Variants in ARHGAP26 observed in about 807,000 individuals in gnomAD.
ARHGAP26 encodes the protein Rho GTPase activating protein 26.
A neutral mutation model predicts 104.8 loss-of-function variants in ARHGAP26; 38 were observed. The ratio of observed to expected loss-of-function variants is 0.36; its 90% CI spans 0.28 to 0.48. The LOEUF (loss-of-function observed/expected upper bound fraction) is 0.48, where lower values mean the gene tolerates loss of function less well. Ranked by LOEUF, ARHGAP26 falls within the 20% of genes least tolerant of loss-of-function variation. ARHGAP26 has a pLI of 0.99. For missense variants in ARHGAP26, 704 were observed against 947.9 expected, an observed-to-expected ratio of 0.74 and a Z score of 3.38; for synonymous variants, 341 against 340.0, an observed-to-expected ratio of 1.00 and a Z score of -0.03.
At chr5:142,865,478 GTTTTTTTTT>G (rs35950662) in intron 1 of ARHGAP26, among the ~76,000 whole-genome samples, 10 of 117,224 alleles carry the variant, frequency 8.5e-5, no homozygotes, top group African/African-American at 2.6e-4. Context: ...ACACGGAGAA[GTTTTTTTTT>G]TTTTTTTTTT....
intron 17 of ARHGAP26, among the ~76,000 whole-genome samples, chr5:143,090,452 C>CTCGG (rs148034109): frequency 0.076 from 11,633 of 152,190 alleles, 733 homozygotes; most frequent in East Asian, 0.21. Flanking sequence ...CGATAGCTAT[C>CTCGG]TCAGTCGTGT....
intron 17 of ARHGAP26, among the ~76,000 whole-genome samples, chr5:143,066,841 G>A (rs2150354014): frequency 6.6e-6 from 1 of 152,328 alleles, no homozygotes. Flanking sequence ...AGATGAGCCA[G>A]CACAGGGGCA....
chr5:143,120,189 G>A (rs1197678198), intron 17 of ARHGAP26, among the ~76,000 whole-genome samples: 3 of 152,226 alleles, frequency 2.0e-5, no homozygotes, highest in Admixed American at 6.5e-5. Context: ...GGGCCAGCAA[G>A]TGAACAATCG....
At chr5:143,152,555 G>A (rs1360588165) in intron 20 of ARHGAP26, among the ~76,000 whole-genome samples, 1 of 152,146 alleles carries the variant, frequency 6.6e-6, no homozygotes, top group African/African-American at 2.4e-5. Flanking sequence ...AATGCCTGTA[G>A]GCCCATAGTA....
chr5:142,781,911 T>C (rs1482645213), intron 1 of ARHGAP26, among the ~76,000 whole-genome samples: 1 of 152,216 alleles, frequency 6.6e-6, no homozygotes, highest in South Asian at 2.1e-4. Context: ...GAGATGGGGT[T>C]TCACCGTGTT....
At chr5:143,018,392 G>T (rs1028270190) in intron 12 of ARHGAP26, among the ~76,000 whole-genome samples, 3 of 152,154 alleles carry the variant, frequency 2.0e-5, no homozygotes, top group African/African-American at 7.2e-5. Flanking sequence ...TGATTTTCAA[G>T]TTGTGTTTTG....
chr5:142,915,778 CT>C, intron 10 of ARHGAP26: 1 of 152,326 alleles, frequency 6.6e-6, no homozygotes, highest in Non-Finnish European at 1.5e-5. Flanking sequence ...CTCCTTTCTC[CT>C]TTTTTGACCC....
chr5:143,084,958 T>C (rs922500895), intron 17 of ARHGAP26, among the ~76,000 whole-genome samples: 1 of 149,642 alleles, frequency 6.7e-6, no homozygotes, highest in African/African-American at 2.5e-5. Flanking sequence ...GGCAGGAAAA[T>C]TGCTTGAACC....
chr5:143,079,574 C>T (rs528987158), intron 17 of ARHGAP26, among the ~76,000 whole-genome samples: 3 of 152,308 alleles, frequency 2.0e-5, no homozygotes, highest in South Asian at 2.1e-4. Flanking sequence ...CTGGTATTGT[C>T]GGCCCCATAC....
intron 6 of ARHGAP26, among the ~76,000 whole-genome samples, chr5:142,899,316 A>G (rs968015140): frequency 6.6e-6 from 1 of 152,234 alleles, no homozygotes. Flanking sequence ...ATGAATGGTG[A>G]CAATCCAGAG....
intron 1 of ARHGAP26, chr5:142,859,467 T>A (rs1752943407): frequency 6.6e-6 from 1 of 152,256 alleles, no homozygotes; most frequent in Non-Finnish European, 1.5e-5. Flanking sequence ...AATCTGCCCA[T>A]GTTCTTCTAA....
At chr5:142,927,809 A>AT (rs781146748) in intron 10 of ARHGAP26, among the ~76,000 whole-genome samples, 2 of 152,138 alleles carry the variant, frequency 1.3e-5, no homozygotes, top group African/African-American at 2.4e-5. Context: ...GTTACTCTAC[A>AT]TTTTTTGCCA....
At chr5:142,990,736 C>A (rs576450416) in intron 11 of ARHGAP26, among the ~76,000 whole-genome samples, 8 of 152,220 alleles carry the variant, frequency 5.3e-5, no homozygotes, top group African/African-American at 1.9e-4. Context: ...CACTCCAGAC[C>A]CTGTTTGCCT....
Position 142,890,151 on chromosome 5 carries a change from A to AAAAAAAAATAT in ARHGAP26, c.487-4086_487-4085insAAAAAAATATA, listed in dbSNP as rs1252590997. 4.0e-4 allele frequency among the ~76,000 whole-genome samples: 13 copies of AAAAAAAAATAT among 32,420 alleles called. No individual in the cohort carries two copies. In the East Asian group the frequency reaches 4.2e-3, roughly 11 times the overall value. The allele number at this position is 32,420 out of a possible 152,430, so 21.3% of individuals were successfully genotyped here. On this transcript the variant is annotated intron_variant, in intron 5 of 22. Coordinates refer to ENST00000645722, the MANE Select transcript of ARHGAP26 (RefSeq NM_001135608.3). ...AACTCCGTCTTAAAAAAAAAAAAAA[A>AAAAAAAAATAT]ATATATATATATATATATATATATA...
chr5:142,956,945 C>T (rs921931293), intron 11 of ARHGAP26, among the ~76,000 whole-genome samples: 6 of 152,142 alleles, frequency 3.9e-5, no homozygotes, highest in African/African-American at 1.4e-4. Context: ...TCAATTATCT[C>T]CCCCTGGGTC....
intron 17 of ARHGAP26, among the ~76,000 whole-genome samples, chr5:143,076,316 A>C (rs1032619398): frequency 6.6e-6 from 1 of 152,096 alleles, no homozygotes; most frequent in African/African-American, 2.4e-5. Context: ...CATCTCTGTC[A>C]GCCCCTGAAG....
At chr5:142,816,956 T>G (rs1160588905) in intron 1 of ARHGAP26, among the ~76,000 whole-genome samples, 1 of 151,960 alleles carries the variant, frequency 6.6e-6, no homozygotes, top group Non-Finnish European at 1.5e-5. Flanking sequence ...CGGAGAAACC[T>G]ACAAGTGGGC....
intron 12 of ARHGAP26, among the ~76,000 whole-genome samples, chr5:143,020,632 C>CTTTTTTT (rs11357774): frequency 9.7e-5 from 6 of 61,728 alleles, no homozygotes; most frequent in East Asian, 4.9e-4. Flanking sequence ...TGCTCTAGTG[C>CTTTTTTT]TTTTTTTTTT....
intron 10 of ARHGAP26, chr5:142,919,490 G>T: frequency 2.5e-6 from 1 of 398,020 alleles, no homozygotes; most frequent in South Asian, 1.4e-4. Flanking sequence ...GGAAATGAAC[G>T]CAGTTTGAAT....
Sources: gnomAD v4.1 joint callset for allele counts (sites outside exome capture counted in the v4.1 genomes callset) on GRCh38, gnomAD v4.1.1 for gene constraint, MANE v1.5 for transcripts, NCBI Gene and HGNC (gene_info 2026-07-23, HGNC 2026-07-21) for gene names.